SLC38A12: variants seen among roughly 807,000 people sequenced by gnomAD.
SLC38A12 encodes putative sodium-coupled neutral amino acid transporter 12.
chr17:74,795,267 G>T, the SLC38A12 span, among the ~76,000 whole-genome samples: 2 of 152,220 alleles, frequency 1.3e-5, no homozygotes, highest in African/African-American at 4.8e-5. Context: ...ACCACAGCCA[G>T]CCATGCTGTC....
the SLC38A12 span, among the ~76,000 whole-genome samples, chr17:74,778,867 C>G: frequency 6.6e-6 from 1 of 152,048 alleles, no homozygotes; most frequent in African/African-American, 2.4e-5. Flanking sequence ...AGGGTTTCAC[C>G]ATGTTGGTCA....
At chr17:74,810,162 C>T in the SLC38A12 span, among the ~76,000 whole-genome samples, 334 of 152,332 alleles carry the variant, frequency 2.2e-3, 1 homozygote, top group African/African-American at 7.6e-3. Context: ...GCATTCAGAA[C>T]GAGGCTGCCA....
At chr17:74,777,375 CGTGA>C in the SLC38A12 span, 3 of 1,614,204 alleles carry the variant, frequency 1.9e-6, no homozygotes, top group South Asian at 1.1e-5. Flanking sequence ...ACTCTTCCTA[CGTGA>C]GTGTGACTTA....
At chr17:74,790,322 C>A in the SLC38A12 span, 1 of 1,600,674 alleles carries the variant, frequency 6.2e-7, no homozygotes. Context: ...CTCGCGGGCC[C>A]GCACTTCCCT....
chr17:74,822,341 C>A, the SLC38A12 span, among the ~76,000 whole-genome samples: 1 of 152,330 alleles, frequency 6.6e-6, no homozygotes, highest in East Asian at 1.9e-4. Flanking sequence ...ACTCCTGTTT[C>A]CCCCAGCCCC....
At chr17:74,800,932 G>C in the SLC38A12 span, among the ~76,000 whole-genome samples, 3 of 152,238 alleles carry the variant, frequency 2.0e-5, no homozygotes, top group Non-Finnish European at 2.9e-5. Context: ...CCTCAGCCCA[G>C]AAAGCAGACA....
chr17:74,831,431 G>A, the SLC38A12 span, among the ~76,000 whole-genome samples: 5 of 152,204 alleles, frequency 3.3e-5, no homozygotes, highest in African/African-American at 4.8e-5. Context: ...GACAAATGCG[G>A]TGGCTTTTGC....
the SLC38A12 span, among the ~76,000 whole-genome samples, chr17:74,784,157 T>G: frequency 6.6e-6 from 1 of 152,194 alleles, no homozygotes; most frequent in African/African-American, 2.4e-5. Flanking sequence ...AAAGTGCATC[T>G]TTCTAAGAAC....
the SLC38A12 span, among the ~76,000 whole-genome samples, chr17:74,814,801 C>T: frequency 3.3e-5 from 5 of 152,104 alleles, no homozygotes; most frequent in South Asian, 2.1e-4. Flanking sequence ...CTAGGTGCTG[C>T]GACAAACAAG....
chr17:74,820,522 C>A, the SLC38A12 span, among the ~76,000 whole-genome samples: 1 of 152,240 alleles, frequency 6.6e-6, no homozygotes, highest in African/African-American at 2.4e-5. Flanking sequence ...GCTGCCGATC[C>A]ACCTGGACGG....
At chr17:74,812,750 A>G in the SLC38A12 span, among the ~76,000 whole-genome samples, 330 of 152,252 alleles carry the variant, frequency 2.2e-3, 4 homozygotes, top group South Asian at 0.019. Context: ...AGGTAGCCCT[A>G]TTCAACCTTT....
the SLC38A12 span, among the ~76,000 whole-genome samples, chr17:74,779,677 A>C: frequency 6.6e-6 from 1 of 152,176 alleles, no homozygotes; most frequent in South Asian, 2.1e-4. Flanking sequence ...GCTCAAGACA[A>C]CGTGGGCAGA....
the SLC38A12 span, chr17:74,837,389 G>A: frequency 3.3e-5 from 33 of 985,430 alleles, no homozygotes; most frequent in Non-Finnish European, 3.5e-5. Flanking sequence ...GGACACAGCC[G>A]CCTGCCAGCT....
the SLC38A12 span, among the ~76,000 whole-genome samples, chr17:74,829,305 G>T: frequency 6.6e-6 from 1 of 152,168 alleles, no homozygotes; most frequent in Non-Finnish European, 1.5e-5. This position sits in a 1 kb window ranked among gnomAD's most constrained non-coding sequence, Gnocchi z 4.1. Context: ...TGTATTTTTA[G>T]TAAGGACGGG....
chr17:74,799,475 T>A, the SLC38A12 span, among the ~76,000 whole-genome samples: 1 of 152,124 alleles, frequency 6.6e-6, no homozygotes, highest in Non-Finnish European at 1.5e-5. Flanking sequence ...GGGGCACAGG[T>A]GACTCAGGAG....
chr17:74,829,285 G>A, the SLC38A12 span, among the ~76,000 whole-genome samples: 2 of 152,084 alleles, frequency 1.3e-5, no homozygotes, highest in Admixed American at 6.5e-5. The surrounding 1 kb of genome is among the most constrained non-coding windows in gnomAD (Gnocchi z 4.1). Flanking sequence ...CACCATGTCC[G>A]GCTAATTTTT....
At chr17:74,785,069 A>G in the SLC38A12 span, among the ~76,000 whole-genome samples, 93,426 of 151,976 alleles carry the variant, frequency 0.61, 29,160 homozygotes, top group African/African-American at 0.65. Flanking sequence ...ATGCTCAGTG[A>G]TCTTGGAAAA....
At chr17:74,817,000 G>T in the SLC38A12 span, among the ~76,000 whole-genome samples, 4 of 151,926 alleles carry the variant, frequency 2.6e-5, no homozygotes, top group African/African-American at 9.7e-5. Context: ...GGAGACAGGG[G>T]CTGTTCCTTC....
the SLC38A12 span, chr17:74,795,498 G>A: frequency 1.1e-5 from 18 of 1,608,920 alleles, no homozygotes; most frequent in African/African-American, 1.3e-5. Flanking sequence ...CGCTGAGCCT[G>A]GGCCTGCTGT....
Sources: allele counts gnomAD v4.1 joint callset (sites outside exome capture counted in the v4.1 genomes callset), GRCh38; gene constraint gnomAD v4.1.1; non-coding constraint Gnocchi (gnomAD v3.1); transcripts MANE v1.5; gene names NCBI Gene and HGNC (gene_info 2026-07-23, HGNC 2026-07-21).